PDE10A: variants seen among roughly 807,000 people sequenced by gnomAD.
PDE10A encodes the protein cAMP and cAMP-inhibited cGMP 3',5'-cyclic phosphodiesterase 10A.
PDE10A carries 39 observed loss-of-function variants against 97.7 expected under a neutral mutation model. The ratio of observed to expected loss-of-function variants is 0.40; its 90% CI spans 0.31 to 0.52. The LOEUF (loss-of-function observed/expected upper bound fraction) is 0.52, where lower values mean the gene tolerates loss of function less well. Ranked by LOEUF, PDE10A falls within the 20% of genes least tolerant of loss-of-function variation. PDE10A has a pLI of 0.56. For synonymous variants in PDE10A, 371 were observed against 376.8 expected, an observed-to-expected ratio of 0.98 and a Z score of 0.18; for missense variants, 731 against 1,047.8, an observed-to-expected ratio of 0.70 and a Z score of 4.17.
intron 1 of PDE10A, among the ~76,000 whole-genome samples, chr6:165,683,136 G>T (rs1440134911): frequency 6.6e-6 from 1 of 152,214 alleles, no homozygotes; most frequent in African/African-American, 2.4e-5. Context: ...AAGGAAAGAA[G>T]ACTGAAGAGG....
intron 1 of PDE10A, among the ~76,000 whole-genome samples, chr6:165,846,136 T>A (rs1000203883): frequency 3.3e-5 from 5 of 152,208 alleles, no homozygotes; most frequent in African/African-American, 1.2e-4. Flanking sequence ...TCTTCGTGCC[T>A]TGCAGGTCAA....
At chr6:165,756,730 C>T (rs1450624290) in intron 1 of PDE10A, among the ~76,000 whole-genome samples, 4 of 152,066 alleles carry the variant, frequency 2.6e-5, no homozygotes, top group Admixed American at 6.6e-5. Flanking sequence ...CCAGTTTTCA[C>T]GGGTATTGCC....
At chr6:165,855,235 C>T (rs1168522273) in intron 1 of PDE10A, among the ~76,000 whole-genome samples, 1 of 132,964 alleles carries the variant, frequency 7.5e-6, no homozygotes, top group Non-Finnish European at 1.6e-5. Context: ...TGAACAGAGG[C>T]GGATGGGTGG....
chr6:165,334,342 C>T (rs888422704), intron 21 of PDE10A, among the ~76,000 whole-genome samples: 1 of 147,470 alleles, frequency 6.8e-6, no homozygotes, highest in Non-Finnish European at 1.5e-5. Context: ...TCCATAGCGC[C>T]CTACAGCGCC....
At chr6:165,908,422 G>A (rs1782359531) in intron 1 of PDE10A, among the ~76,000 whole-genome samples, 1 of 152,222 alleles carries the variant, frequency 6.6e-6, no homozygotes, top group Non-Finnish European at 1.5e-5. Context: ...AGAGAAAGGG[G>A]CTTTAAGGAA....
rs553110707 is a variant in PDE10A at position 165,460,845 on chromosome 6, T to C, written c.1024-10483A>G. The stretch of plus-strand genomic sequence containing the variant: ...CATACAATGCATGAAACGAGGTATG[T>C]CCCTGGTATGGGACTAAAAAAAAAT... On this transcript the variant is annotated intron_variant, in intron 3 of 21. Transcript: ENST00000539869. Among the ~76,000 whole-genome samples the C allele has an allele frequency of 9.2e-5, 14 of 152,176 alleles. No homozygotes were observed. The South Asian group carries it at 2.5e-3, about 27-fold the overall frequency.
intron 1 of PDE10A, among the ~76,000 whole-genome samples, chr6:165,823,526 G>GTA (rs1779640109): frequency 2.9e-5 from 1 of 34,720 alleles, no homozygotes; most frequent in Non-Finnish European, 7.7e-5. Context: ...ATATATATAT[G>GTA]AACCTTAATT....
Position 165,468,651 on chromosome 6 carries a change from C to CA in PDE10A, c.1023+13663dup, listed in dbSNP as rs1778805409. ...CATTATCAGATGAGGCTACTATTCT[C>CA]ATGGAGTTTAAATCCTATTGGGGGA... is the stretch of plus-strand genomic sequence containing the variant. On this transcript the variant is annotated intron_variant, in intron 3 of 21. Coordinates refer to ENST00000539869, the MANE Select transcript of PDE10A (RefSeq NM_001385079.1). Among the ~76,000 whole-genome samples the CA allele has an allele frequency of 2.6e-5, 4 of 152,300 alleles. No homozygotes were observed. The South Asian group carries it at 8.3e-4, about 32-fold the overall frequency.
intron 18 of PDE10A, among the ~76,000 whole-genome samples, chr6:165,351,255 T>C (rs1198220198): frequency 6.6e-6 from 1 of 152,170 alleles, no homozygotes; most frequent in East Asian, 1.9e-4. Context: ...GTGGTCACAA[T>C]GTCAATATGA....
At chr6:165,726,975 C>A (rs1256225385) in intron 1 of PDE10A, among the ~76,000 whole-genome samples, 1 of 152,352 alleles carries the variant, frequency 6.6e-6, no homozygotes, top group Non-Finnish European at 1.5e-5. Context: ...AGCCAGGCCA[C>A]CACAGAAACG....
intron 2 of PDE10A, among the ~76,000 whole-genome samples, chr6:165,522,931 A>G (rs1439734376): frequency 2.0e-5 from 3 of 152,154 alleles, no homozygotes; most frequent in African/African-American, 7.2e-5. Flanking sequence ...AAATTTCAAG[A>G]TACAAAATAA....
intron 1 of PDE10A, among the ~76,000 whole-genome samples, chr6:165,728,630 T>C (rs1014384393): frequency 1.3e-5 from 2 of 152,160 alleles, no homozygotes; most frequent in African/African-American, 4.8e-5. Context: ...AATAATGACA[T>C]GTTTTAGGCA....
chr6:165,592,910 A>C lies in PDE10A; in HGVS notation c.866-49342T>G, dbSNP rs1399125576. Reference sequence around the variant, plus strand: ...GTGTGGCAATTCCTCAGGGATCTAGAACTAGAAATACCATTTGACCCAGCC... The same window carrying C: ...GTGTGGCAATTCCTCAGGGATCTAGCACTAGAAATACCATTTGACCCAGCC... On this transcript the variant is annotated intron_variant, in intron 1 of 21. Transcript: ENST00000539869. 3.9e-5 allele frequency among the ~76,000 whole-genome samples: 6 copies of C among 152,194 alleles called. No homozygotes were observed. In the South Asian group the frequency reaches 1.0e-3, roughly 26 times the overall value.
At chr6:165,345,058 C>T (rs1393331227) in intron 18 of PDE10A, among the ~76,000 whole-genome samples, 1 of 151,854 alleles carries the variant, frequency 6.6e-6, no homozygotes, top group Admixed American at 6.6e-5. Flanking sequence ...TTCATTTAAA[C>T]ACAAATCGAA....
At chr6:165,469,682 G>A (rs986996165) in intron 3 of PDE10A, among the ~76,000 whole-genome samples, 1 of 152,092 alleles carries the variant, frequency 6.6e-6, no homozygotes, top group Non-Finnish European at 1.5e-5. Context: ...TTTTCCATCT[G>A]GGTGAGAAAT....
At chr6:165,555,862 G>C (rs1426890201) in intron 1 of PDE10A, among the ~76,000 whole-genome samples, 3 of 152,142 alleles carry the variant, frequency 2.0e-5, no homozygotes, top group Non-Finnish European at 2.9e-5. Flanking sequence ...CAAGCCAGAG[G>C]AATGTGAAGT....
At chr6:165,439,144 A>C (rs980852648) in intron 5 of PDE10A, among the ~76,000 whole-genome samples, 1 of 152,142 alleles carries the variant, frequency 6.6e-6, no homozygotes, top group Non-Finnish European at 1.5e-5. Context: ...TATTCAGATT[A>C]ATAAGATAAA....
intron 1 of PDE10A, among the ~76,000 whole-genome samples, chr6:165,570,501 CTTTGT>C (rs1157232424): frequency 4.6e-5 from 7 of 152,116 alleles, no homozygotes; most frequent in African/African-American, 1.7e-4. Flanking sequence ...CATGATTTTG[CTTTGT>C]TAATATCAAG....
intron 1 of PDE10A, among the ~76,000 whole-genome samples, chr6:165,825,963 G>A (rs1002161549): frequency 6.6e-6 from 1 of 152,038 alleles, no homozygotes; most frequent in Non-Finnish European, 1.5e-5. Context: ...TCATAATTTT[G>A]ATTAGTAATA....
Sources: gnomAD v4.1 joint callset for allele counts (sites outside exome capture counted in the v4.1 genomes callset) on GRCh38, gnomAD v4.1.1 for gene constraint, MANE v1.5 for transcripts, NCBI Gene and HGNC (gene_info 2026-07-23, HGNC 2026-07-21) for gene names.